Variants in WDR70 observed in about 807,000 individuals in gnomAD.
WDR70 encodes the protein WD repeat-containing protein 70.
A neutral mutation model predicts 88.6 loss-of-function variants in WDR70; 53 were observed. That is an observed-to-expected ratio of 0.60 (90% CI 0.48 to 0.75). The LOEUF is 0.75. Among genes scored for constraint, WDR70 ranks in the 30% least tolerant of loss-of-function variants. The probability of loss-of-function intolerance (pLI) is 0.00; values close to 1 mark genes in which losing one functional copy is unlikely to be tolerated. For synonymous variants in WDR70, 280 were observed against 270.0 expected, an observed-to-expected ratio of 1.04 and a Z score of -0.36; for missense variants, 610 against 823.2, an observed-to-expected ratio of 0.74 and a Z score of 3.17.
chr5:37,502,201 A>G (rs1740424591), intron 8 of WDR70, among the ~76,000 whole-genome samples: 1 of 151,784 alleles, frequency 6.6e-6, no homozygotes, highest in South Asian at 2.1e-4. Context: ...TTTTGCGGCT[A>G]TTGTAAAAGG....
At chr5:37,431,213 C>G (rs1366217060) in intron 5 of WDR70, among the ~76,000 whole-genome samples, 1 of 152,130 alleles carries the variant, frequency 6.6e-6, no homozygotes, top group African/African-American at 2.4e-5. Context: ...CAGGAACCTT[C>G]TTTCTTTAAA....
intron 10 of WDR70, among the ~76,000 whole-genome samples, chr5:37,692,868 G>A (rs879208086): frequency 1.3e-5 from 2 of 149,334 alleles, no homozygotes; most frequent in African/African-American, 4.9e-5. Context: ...CTGGGCCAGG[G>A]CAATCAGGCA....
At chr5:37,444,867 T>A (rs902608230) in intron 7 of WDR70, among the ~76,000 whole-genome samples, 1 of 152,208 alleles carries the variant, frequency 6.6e-6, no homozygotes, top group African/African-American at 2.4e-5. Flanking sequence ...GATTCTAATA[T>A]GGATTGTGCA....
intron 8 of WDR70, among the ~76,000 whole-genome samples, chr5:37,508,441 T>C (rs993814483): frequency 1.3e-5 from 2 of 152,224 alleles, no homozygotes; most frequent in African/African-American, 4.8e-5. Flanking sequence ...TCTTTTGTTA[T>C]AGCAGCCCTA....
Position 37,583,581 on chromosome 5 carries a change from GGATGATTGA to G in WDR70, c.918-21482_918-21474del, listed in dbSNP as rs1484146044. On this transcript the variant is annotated intron_variant, in intron 9 of 17. Transcript: ENST00000265107. The stretch of plus-strand genomic sequence containing the variant: ...TCCCTTATACTTGTGTCCTTTGAAA[GGATGATTGA>G]CTATGACACGCAGTCATAGTAGGTG... Among the ~76,000 whole-genome samples the G allele has an allele frequency of 4.2e-3, 569 of 134,392 alleles. 26 individuals are homozygous for G. Among genetic ancestry groups the G allele is most frequent in the African/African-American group, 0.014 (539 of 37,406 alleles). 88.2% of individuals were successfully genotyped at this position (134,392 alleles called of 152,430 possible).
chr5:37,486,565 G>A (rs1169880343), intron 8 of WDR70, among the ~76,000 whole-genome samples: 6 of 151,964 alleles, frequency 3.9e-5, no homozygotes, highest in African/African-American at 1.2e-4. Flanking sequence ...GGCTGGTCTC[G>A]AACTCCTGAC....
intron 4 of WDR70, among the ~76,000 whole-genome samples, chr5:37,392,389 G>A (rs1345919076): frequency 1.3e-5 from 2 of 151,812 alleles, no homozygotes; most frequent in African/African-American, 2.4e-5. Flanking sequence ...TCACCATATC[G>A]GCCAGGGTGG....
intron 5 of WDR70, among the ~76,000 whole-genome samples, chr5:37,403,989 C>T (rs1749277697): frequency 6.6e-6 from 1 of 152,192 alleles, no homozygotes; most frequent in Admixed American, 6.6e-5. Flanking sequence ...GATCCTTCCA[C>T]TTCAGCCTCC....
At chr5:37,633,700 G>A (rs941296152) in intron 10 of WDR70, among the ~76,000 whole-genome samples, 1 of 152,046 alleles carries the variant, frequency 6.6e-6, no homozygotes, top group Non-Finnish European at 1.5e-5. Flanking sequence ...ACATTTCACT[G>A]AATCGTAGTT....
Position 37,551,511 on chromosome 5 carries a change from C to T in WDR70, c.917+34921C>T, listed in dbSNP as rs916154911. Among the ~76,000 whole-genome samples, 9 of 151,330 alleles carry T rather than the reference C, an allele frequency of 5.9e-5. No homozygotes were observed. In the East Asian group the frequency reaches 1.2e-3, roughly 20 times the overall value. On this transcript the variant is annotated intron_variant, in intron 9 of 17. Coordinates refer to ENST00000265107, the MANE Select transcript of WDR70 (RefSeq NM_018034.4). ...TTGGGAGGCCGAGGCAGGTGGATCACGAGGTCAGGAGTTCAAGACCAGCCT... is the reference window on the plus strand; with the variant it reads ...TTGGGAGGCCGAGGCAGGTGGATCATGAGGTCAGGAGTTCAAGACCAGCCT...
chr5:37,503,965 TG>T (rs1377856154), intron 8 of WDR70, among the ~76,000 whole-genome samples: 21 of 152,170 alleles, frequency 1.4e-4, no homozygotes, highest in Non-Finnish European at 2.5e-4. Context: ...TCAGTTGTAA[TG>T]TCTTCTGGAT....
chr5:37,457,338 C>T (rs1581298734), intron 7 of WDR70, among the ~76,000 whole-genome samples: 1 of 152,162 alleles, frequency 6.6e-6, no homozygotes. Flanking sequence ...TCAAGTGATC[C>T]ACCCGCCTTG....
intron 3 of WDR70, among the ~76,000 whole-genome samples, chr5:37,385,864 T>C (rs1481455724): frequency 6.6e-6 from 1 of 151,996 alleles, no homozygotes; most frequent in Non-Finnish European, 1.5e-5. Context: ...AGTGCAGTGG[T>C]GCGATCTCGA....
At chr5:37,400,818 C>T (rs551892889) in intron 5 of WDR70, among the ~76,000 whole-genome samples, 4 of 152,148 alleles carry the variant, frequency 2.6e-5, no homozygotes, top group Non-Finnish European at 2.9e-5. Context: ...AAAAAAATTG[C>T]TATAGCGAAG....
At chr5:37,733,193 T>C (rs374974866) in intron 17 of WDR70, among the ~76,000 whole-genome samples, 4 of 152,088 alleles carry the variant, frequency 2.6e-5, no homozygotes, top group Admixed American at 1.3e-4. Flanking sequence ...CCTTGGTTCA[T>C]AGCCACATCC....
chr5:37,681,879 C>G (rs959839327), intron 10 of WDR70, among the ~76,000 whole-genome samples: 3 of 152,016 alleles, frequency 2.0e-5, no homozygotes, highest in South Asian at 2.1e-4. Context: ...GGATATTGGC[C>G]TGAAGTTTTC....
intron 9 of WDR70, among the ~76,000 whole-genome samples, chr5:37,555,960 C>T (rs1165470148): frequency 6.6e-6 from 1 of 152,142 alleles, no homozygotes; most frequent in Admixed American, 6.6e-5. Flanking sequence ...GTCAGGTGAT[C>T]CACCAGCCTC....
intron 17 of WDR70, among the ~76,000 whole-genome samples, chr5:37,740,554 T>A (rs146305564): frequency 6.6e-6 from 1 of 152,314 alleles, no homozygotes; most frequent in East Asian, 1.9e-4. Flanking sequence ...GCTGTAAGAA[T>A]GTTGGTTTTG....
intron 9 of WDR70, among the ~76,000 whole-genome samples, chr5:37,528,627 AT>A (rs1205527677): frequency 3.4e-5 from 3 of 87,260 alleles, no homozygotes; most frequent in African/African-American, 6.9e-5. Context: ...TTAAAGTATA[AT>A]AAAAAAAAAC....
Sources: gnomAD v4.1 joint callset for allele counts (sites outside exome capture counted in the v4.1 genomes callset) on GRCh38, gnomAD v4.1.1 for gene constraint, MANE v1.5 for transcripts, NCBI Gene and HGNC (gene_info 2026-07-23, HGNC 2026-07-21) for gene names.